The following VNN2 variants were observed in gnomAD, a reference collection of about 807,000 sequenced individuals.
VNN2 encodes the protein pantetheine hydrolase VNN2.
A neutral mutation model predicts 43.0 loss-of-function variants in VNN2; 43 were observed. The ratio of observed to expected loss-of-function variants is 1.00; its 90% CI spans 0.78 to 1.29. The LOEUF (loss-of-function observed/expected upper bound fraction) is 1.29. Among genes scored for constraint, VNN2 ranks in the 50% most tolerant of loss-of-function variants. The pLI is 0.00. For synonymous variants in VNN2, 230 were observed against 224.3 expected, an observed-to-expected ratio of 1.03 and a Z score of -0.23; for missense variants, 652 against 619.7, an observed-to-expected ratio of 1.05 and a Z score of -0.55.
At chr6:132,752,860 C>G in intron 3 of VNN2, 111 bp from the exon 4 acceptor site, 1 of 1,215,946 alleles carries the variant, frequency 8.2e-7, no homozygotes, top group Non-Finnish European at 1.1e-6. Flanking sequence ...TGCAGGGAAT[C>G]TCCTAGGAAG....
intron 5 of VNN2, 133 bp downstream of exon 5, chr6:132,751,010 GTT>G: frequency 2.0e-6 from 2 of 983,002 alleles, no homozygotes; most frequent in East Asian, 4.9e-5. Context: ...GTGTGTGTGT[GTT>G]GTGTGTGTGT....
chr6:132,759,583 G>C (rs34934410), upstream of VNN2, among the ~76,000 whole-genome samples: 4,323 of 151,870 alleles, frequency 0.028, 83 homozygotes, highest in South Asian at 0.057. Context: ...CAGCCCTTTG[G>C]TAAAAGTCAC....
intron 3 of VNN2, among the ~76,000 whole-genome samples, chr6:132,755,383 C>CTTTTTTTTTT (rs397728432): frequency 2.5e-5 from 3 of 118,940 alleles, no homozygotes; most frequent in African/African-American, 3.1e-5. Context: ...TCTTTTTTTT[C>CTTTTTTTTTT]TTTTTTTTTT....
intron 3 of VNN2, 184 bp from the exon 4 acceptor site, chr6:132,752,933 G>T (rs1019969265): frequency 1.2e-5 from 7 of 600,882 alleles, no homozygotes; most frequent in Non-Finnish European, 2.0e-5. Context: ...TGTAACATAC[G>T]TCCATAGCAT....
intron 6 of VNN2, among the ~76,000 whole-genome samples, chr6:132,745,298 C>T (rs1779652697): frequency 6.6e-6 from 1 of 152,212 alleles, no homozygotes; most frequent in South Asian, 2.1e-4. Context: ...TCACTGCAAC[C>T]TCCGCCTGCT....
chr6:132,758,834 C>T (rs1232175227), upstream of VNN2, among the ~76,000 whole-genome samples: 9 of 152,156 alleles, frequency 5.9e-5, no homozygotes, highest in Admixed American at 1.3e-4. Context: ...TTAGTGCCTA[C>T]AGCAACAATA....
intron 5 of VNN2, among the ~76,000 whole-genome samples, chr6:132,750,438 G>A (rs2114549321): frequency 6.9e-6 from 1 of 144,220 alleles, no homozygotes; most frequent in Non-Finnish European, 1.5e-5. Flanking sequence ...TGAGGAGTTG[G>A]AGACCAGCCT....
rs765875008 is a variant in VNN2, at chr6:132,757,525, G to C, written c.235C>G (p.Pro79Ala). ...TTCCATCCATAAAGTGCATCTTCTG[G>C]AGTCACAATGATTCGAGCACCCTGT... ...AEQGARIIVTPEDALYGWKFT... is the reference protein window; with the variant it reads ...AEQGARIIVTAEDALYGWKFT... Residue 79 changes from proline to alanine, a missense_variant, in exon 2 of 7, where the codon CCA (proline) becomes GCA (alanine). Coordinates refer to ENST00000326499, the MANE Select transcript of VNN2 (RefSeq NM_004665.6). 2 of 1,613,854 alleles carry C rather than the reference G, an allele frequency of 1.2e-6. No homozygotes were observed. Among genetic ancestry groups the C allele is most frequent in the Non-Finnish European group, 8.5e-7 (1 of 1,179,950 alleles).
intron 3 of VNN2, chr6:132,753,555 A>G (rs1005404793): frequency 4.6e-6 from 2 of 437,366 alleles, no homozygotes; most frequent in African/African-American, 2.1e-5. Context: ...CTAAAAAAAA[A>G]CTTAGTCTAA....
At chr6:132,758,018 C>CA, upstream of VNN2, 1 of 159,820 alleles carries the variant, frequency 6.3e-6, no homozygotes, top group Non-Finnish European at 9.8e-6. Flanking sequence ...TCTTCTTCTT[C>CA]TTCTTCTTCT....
At chr6:132,754,759 A>G (rs1457869877) in intron 3 of VNN2, among the ~76,000 whole-genome samples, 1 of 152,240 alleles carries the variant, frequency 6.6e-6, no homozygotes, top group Admixed American at 6.5e-5. Flanking sequence ...AATCTATAAG[A>G]TGGTAATTAA....
upstream of VNN2, among the ~76,000 whole-genome samples, chr6:132,761,609 G>A (rs764699429): frequency 2.0e-5 from 3 of 152,078 alleles, no homozygotes; most frequent in African/African-American, 4.8e-5. Context: ...GCAGTGAGCC[G>A]AGATAGCACC....
intron 3 of VNN2, chr6:132,752,987 C>A (rs770349995): frequency 1.5e-4 from 67 of 446,726 alleles, no homozygotes; most frequent in Non-Finnish European, 2.1e-4. Flanking sequence ...CCCTCTCTCT[C>A]AGTTAAGAGC....
upstream of VNN2, among the ~76,000 whole-genome samples, chr6:132,758,173 C>T (rs1435283633): frequency 6.7e-6 from 1 of 149,716 alleles, no homozygotes; most frequent in Admixed American, 6.7e-5. Flanking sequence ...GTCTCTGAAA[C>T]AGCTAGGACT....
chr6:132,756,096 G>A, intron 2 of VNN2, 61 bp from the exon 3 acceptor site: 2 of 1,417,600 alleles, frequency 1.4e-6, no homozygotes, highest in Non-Finnish European at 1.9e-6. Context: ...CACTTTATAT[G>A]GAAACGATAG....
At position 132,749,699 on chromosome 6, in the gene VNN2, A is replaced by G. The variant is rs1779934894; in HGVS notation, c.1367T>C (p.Phe456Ser). The G allele has an allele frequency of 3.1e-6, 5 of 1,610,918 alleles. No homozygotes were observed. The highest frequency in any genetic ancestry group is 1.3e-5 in the African/African-American group (1 of 74,830). The change falls in exon 6 of 7, where the codon TTT becomes TCT. Residue 456 changes from phenylalanine (F) to serine (S), a missense_variant. By Grantham distance (155) the Phe-to-Ser change is radical (BLOSUM62 -2). Transcript: ENST00000326499. Reference sequence around the variant, plus strand: ...CTCTTATAAAAGTCCTCTTACCTCAAATTTTCCAGGTGACAGATGAATTTC... The same window carrying G: ...CTCTTATAAAAGTCCTCTTACCTCAGATTTTCCAGGTGACAGATGAATTTC... ...LTEIHLSPGK[F>S]EVLKDGRLVN...
intron 5 of VNN2, among the ~76,000 whole-genome samples, chr6:132,750,229 C>T (rs925155421): frequency 6.6e-6 from 1 of 152,070 alleles, no homozygotes; most frequent in African/African-American, 2.4e-5. Flanking sequence ...TTTAATCTCA[C>T]CTCTCTTCCC....
chr6:132,749,659 T>C (rs373518903), intron 6 of VNN2, 36 bp downstream of exon 6: 206 of 1,573,562 alleles, frequency 1.3e-4, no homozygotes, highest in Non-Finnish European at 8.2e-5. Flanking sequence ...TCAGAGAACA[T>C]ATAAAATGAA....
rs1220268093 is a variant in VNN2 at position 132,749,845 on chromosome 6, G to T, written c.1221C>A (p.Cys407Ter). 8.1e-6 allele frequency: 13 copies of T among 1,613,886 alleles called. No individual in the cohort carries two copies. The highest frequency in any genetic ancestry group is 1.3e-5 in the African/African-American group (1 of 74,900). Residue 407 changes from cysteine to a stop codon, truncating the protein, a stop_gained, in exon 6 of 7, where the codon TGC becomes TGA. Coordinates refer to ENST00000326499, the MANE Select transcript of VNN2 (RefSeq NM_004665.6). LOFTEE classifies it high-confidence loss of function. ...EYWQVCTLLK[C>*]KTTNLTTCGR... Reference sequence around the variant, plus strand: ...CACAAGTTGTCAAATTAGTAGTTTTGCACTTCAGCAGTGTGCAGACCTATG... The same window carrying T: ...CACAAGTTGTCAAATTAGTAGTTTTTCACTTCAGCAGTGTGCAGACCTATG...
Sources: gnomAD v4.1 joint callset for allele counts (sites outside exome capture counted in the v4.1 genomes callset) on GRCh38, gnomAD v4.1.1 for gene constraint, MANE v1.5 for transcripts, NCBI Gene and HGNC (gene_info 2026-07-23, HGNC 2026-07-21) for gene names.